Variants in PARL observed in about 807,000 individuals in gnomAD.
PARL encodes presenilin associated rhomboid like, also known as presenilin-associated rhomboid-like protein, mitochondrial.
A neutral mutation model predicts 51.6 loss-of-function variants in PARL; 44 were observed. The ratio of observed to expected loss-of-function variants is 0.85; its 90% CI spans 0.67 to 1.10. The LOEUF (loss-of-function observed/expected upper bound fraction) is 1.10. Among genes scored for constraint, PARL ranks in the 50% least tolerant of loss-of-function variants. PARL has a pLI of 0.00. For missense variants in PARL, 441 were observed against 469.5 expected (o/e 0.94, Z 0.56); for synonymous variants, 172 against 164.0 (o/e 1.05, Z -0.37).
chr3:183,866,806 G>A, intron 2 of PARL, 41 bp from the exon 3 acceptor site: 1 of 1,345,830 alleles, frequency 7.4e-7, no homozygotes, highest in East Asian at 2.4e-5. Context: ...ATTTAAGAGG[G>A]AAATAGATCT....
In PARL at chr3:183,848,432, C is replaced by T. The variant is rs559007164; in HGVS notation, c.512-4106G>A. Among the ~76,000 whole-genome samples, 9 of 152,176 alleles carry T rather than the reference C, an allele frequency of 5.9e-5. No homozygotes were observed. In the East Asian group the frequency reaches 1.5e-3, roughly 26 times the overall value. ...AATTTTTTGTATTCTTAGTAGAGACCGGGTTTCACCATGTCAGCCAGGATG... is the reference window on the plus strand; with the variant it reads ...AATTTTTTGTATTCTTAGTAGAGACTGGGTTTCACCATGTCAGCCAGGATG... On this transcript the variant is annotated intron_variant, in intron 4 of 9. Coordinates refer to ENST00000317096, the MANE Select transcript of PARL (RefSeq NM_018622.7).
chr3:183,867,039 G>A (rs1006594811), intron 2 of PARL, among the ~76,000 whole-genome samples: 3 of 152,006 alleles, frequency 2.0e-5, no homozygotes, highest in African/African-American at 4.8e-5. Context: ...TCAGCCTCTG[G>A]AGTAGCTAGG....
chr3:183,844,807 T>A (rs1729758662), intron 4 of PARL: 1 of 154,678 alleles, frequency 6.5e-6, no homozygotes, highest in Non-Finnish European at 1.4e-5. Flanking sequence ...AAGGTCAACA[T>A]GTCTGAGAAA....
chr3:183,842,881 T>C (rs1419496106), intron 5 of PARL, among the ~76,000 whole-genome samples: 1 of 149,988 alleles, frequency 6.7e-6, no homozygotes, highest in African/African-American at 2.4e-5. Flanking sequence ...GACTTTTTTT[T>C]TTTTTTGGAG....
chr3:183,836,310 T>C (rs1044509912), intron 7 of PARL, among the ~76,000 whole-genome samples: 1 of 151,688 alleles, frequency 6.6e-6, no homozygotes, highest in African/African-American at 2.4e-5. Flanking sequence ...TTAAAAAAAA[T>C]TGTCGTTATC....
At chr3:183,855,293 TTTTA>T (rs1421885247) in intron 4 of PARL, among the ~76,000 whole-genome samples, 4 of 152,298 alleles carry the variant, frequency 2.6e-5, no homozygotes, top group Non-Finnish European at 5.9e-5. Context: ...GGCTTTCTAT[TTTTA>T]TTTATTATTA....
intron 1 of PARL, among the ~76,000 whole-genome samples, chr3:183,882,274 TATATATATACACACACAC>T (rs1340227896): frequency 2.5e-4 from 19 of 76,852 alleles, no homozygotes; most frequent in Admixed American, 1.5e-3. Context: ...TATATTTATA[TATATATATACACACACAC>T]ATATATATAC....
chr3:183,880,068 CA>C (rs1312725643), intron 1 of PARL, among the ~76,000 whole-genome samples: 1 of 152,050 alleles, frequency 6.6e-6, no homozygotes, highest in Non-Finnish European at 1.5e-5. Context: ...CAAGCAAAAG[CA>C]TGATAAATGT....
intron 1 of PARL, among the ~76,000 whole-genome samples, chr3:183,873,000 T>C (rs1018204043): frequency 6.6e-6 from 1 of 152,158 alleles, no homozygotes; most frequent in Non-Finnish European, 1.5e-5. Flanking sequence ...TAAACAACCA[T>C]CAGTTTATTT....
At chr3:183,844,370 G>T in intron 4 of PARL, 44 bp from the exon 5 acceptor site, 3 of 1,240,902 alleles carry the variant, frequency 2.4e-6, no homozygotes, top group Non-Finnish European at 3.6e-6. Flanking sequence ...AAAAATGAAA[G>T]CAGGAAAGTC....
At chr3:183,863,126 C>T (rs1451481632) in intron 3 of PARL, among the ~76,000 whole-genome samples, 1 of 152,012 alleles carries the variant, frequency 6.6e-6, no homozygotes, top group East Asian at 1.9e-4. Context: ...ATGTAAAGCC[C>T]CTAGCACACT....
intron 3 of PARL, among the ~76,000 whole-genome samples, chr3:183,866,195 T>C (rs1732454821): frequency 6.6e-6 from 1 of 152,172 alleles, no homozygotes; most frequent in African/African-American, 2.4e-5. Flanking sequence ...CTATCCGTGG[T>C]GATTTTTGAT....
chr3:183,826,774 T>C, downstream of PARL: 2 of 985,402 alleles, frequency 2.0e-6, no homozygotes, highest in Non-Finnish European at 2.4e-6. Context: ...GTGAACTCTT[T>C]GTGGACTGTC....
At chr3:183,863,275 T>C (rs1732053951) in intron 3 of PARL, among the ~76,000 whole-genome samples, 1 of 151,942 alleles carries the variant, frequency 6.6e-6, no homozygotes, top group African/African-American at 2.4e-5. Flanking sequence ...AAGAGGAGGG[T>C]CCTAATTTTT....
At chr3:183,842,807 C>CAA (rs370931513) in intron 5 of PARL, among the ~76,000 whole-genome samples, 24,998 of 53,852 alleles carry the variant, frequency 0.46, 5,961 homozygotes, top group Non-Finnish European at 0.48. Flanking sequence ...GACTCTATCT[C>CAA]AAAAAAAAAA....
intron 3 of PARL, among the ~76,000 whole-genome samples, chr3:183,864,681 A>C (rs892227195): frequency 4.0e-5 from 6 of 151,898 alleles, no homozygotes; most frequent in South Asian, 2.1e-4. Context: ...GAGGCTGAGG[A>C]AGGAGAATGG....
intron 1 of PARL, among the ~76,000 whole-genome samples, chr3:183,882,380 T>G (rs1734654341): frequency 7.6e-6 from 1 of 131,538 alleles, no homozygotes. Flanking sequence ...CACACACATA[T>G]ATACATATAT....
At chr3:183,851,651 T>G (rs1273535193) in intron 4 of PARL, among the ~76,000 whole-genome samples, 1 of 151,840 alleles carries the variant, frequency 6.6e-6, no homozygotes, top group East Asian at 1.9e-4. Context: ...GGAGAAAATG[T>G]GCAAATCATA....
At position 183,833,555 on chromosome 3, in the gene PARL, C is replaced by G; in HGVS notation, c.965G>C (p.Gly322Ala). The G allele has an allele frequency of 6.2e-7, 1 of 1,613,930 alleles. No homozygotes were observed. Residue 322 changes from glycine to alanine, a missense_variant, in exon 9 of 10, where the codon GGA (glycine) becomes GCA (alanine). Coordinates refer to ENST00000317096, the MANE Select transcript of PARL (RefSeq NM_018622.7). ...LKAIIAMDTA[G>A]MILGWKFFDH... Reference sequence around the variant, plus strand: ...AAAAAATTTCCATCCCAGGATCATTCCTGCTGTATCCATGGCGATAATGGC... The same window carrying G: ...AAAAAATTTCCATCCCAGGATCATTGCTGCTGTATCCATGGCGATAATGGC...
Sources: allele counts gnomAD v4.1 joint callset (sites outside exome capture counted in the v4.1 genomes callset), GRCh38; gene constraint gnomAD v4.1.1; transcripts MANE v1.5; gene names NCBI Gene and HGNC (gene_info 2026-07-23, HGNC 2026-07-21).